The following CYFIP2 variants were observed in gnomAD, a reference collection of about 807,000 sequenced individuals.
CYFIP2 encodes the protein cytoplasmic FMR1 interacting protein 2, also known as cytoplasmic FMR1-interacting protein 2.
CYFIP2 carries 29 observed loss-of-function variants against 158.7 expected under a neutral mutation model. The ratio of observed to expected loss-of-function variants is 0.18; its 90% CI spans 0.14 to 0.25. The LOEUF is 0.25. Among genes scored for constraint, CYFIP2 ranks in the 10% least tolerant of loss-of-function variants. The pLI is 1.00. For synonymous variants in CYFIP2, 585 were observed against 617.6 expected (o/e 0.95, Z 0.78); for missense variants, 852 against 1,639.5 (o/e 0.52, Z 8.29).
chr5:157,350,665 G>A (rs1433218893), intron 23 of CYFIP2, among the ~76,000 whole-genome samples: 1 of 152,178 alleles, frequency 6.6e-6, no homozygotes, highest in Non-Finnish European at 1.5e-5. Flanking sequence ...TGTGAAGAAT[G>A]ATGATGGTAC....
intron 23 of CYFIP2, among the ~76,000 whole-genome samples, chr5:157,355,753 A>G (rs1763367824): frequency 6.6e-6 from 1 of 152,208 alleles, no homozygotes; most frequent in South Asian, 2.1e-4. Context: ...GGGACAAACG[A>G]GAATGTGCTG....
At position 157,290,499 on chromosome 5, in the gene CYFIP2, A is replaced by G. The variant is rs141178515; in HGVS notation, c.207+3391A>G. ...ACTGGGCTCCCCAGGATAATCCAGA[A>G]CAACCACCACCACCCGCCTACCCCC... On this transcript the variant is annotated intron_variant, in intron 3 of 30. Coordinates refer to ENST00000620254, the MANE Select transcript of CYFIP2 (RefSeq NM_001037333.3). Among the ~76,000 whole-genome samples the G allele has an allele frequency of 3.8e-3, 573 of 152,304 alleles. 1 individual carries two copies. The highest frequency in any genetic ancestry group is 0.014 in the Middle Eastern group (4 of 294).
intron 1 of CYFIP2, chr5:157,269,620 C>G (rs554599611): frequency 6.6e-6 from 1 of 152,136 alleles, no homozygotes; most frequent in Non-Finnish European, 1.5e-5. Context: ...AAAAAAAAGC[C>G]GTGGAAATAG....
rs758449124 is a variant in CYFIP2, at chr5:157,304,318, C to T, written c.747C>T (p.Tyr249=). ...TTGTCAACATCTGTGTGGATTACTACGAGAACAAGATGTACCTGACTCCCA... is the reference window on the plus strand; with the variant it reads ...TTGTCAACATCTGTGTGGATTACTATGAGAACAAGATGTACCTGACTCCCA... ...ADIVNICVDY[Y]ENKMYLTPSE... The change falls in exon 8 of 31, where the codon TAC becomes TAT. Residue 249 remains tyrosine (Y), a synonymous_variant. Coordinates refer to ENST00000620254, the MANE Select transcript of CYFIP2 (RefSeq NM_001037333.3). The T allele has an allele frequency of 1.1e-5, 17 of 1,613,834 alleles. No individual in the cohort carries two copies. Among genetic ancestry groups the T allele is most frequent in the Middle Eastern group, 1.7e-4 (1 of 6,058 alleles).
At position 157,326,165 on chromosome 5, in the gene CYFIP2, C is replaced by A. The variant is rs1205929605; in HGVS notation, c.1983-6C>A. On this transcript the variant is annotated splice_polypyrimidine_tract_variant and splice_region_variant and intron_variant, in intron 17 of 30. Coordinates refer to ENST00000620254, the MANE Select transcript of CYFIP2 (RefSeq NM_001037333.3). ...CAAGCGGCTGGCTGTGTTTTTCCCT[C>A]TTCAGGTATGTCCTCTACCCTCTGG... 1 of 1,611,380 alleles carries A rather than the reference C, an allele frequency of 6.2e-7. No individual in the cohort carries two copies. Among genetic ancestry groups the A allele is most frequent in the Non-Finnish European group, 8.5e-7 (1 of 1,177,786 alleles).
At chr5:157,320,941 T>C (rs916334839) in intron 15 of CYFIP2, 139 bp downstream of exon 15, 1 of 1,079,888 alleles carries the variant, frequency 9.3e-7, no homozygotes, top group African/African-American at 1.6e-5. Flanking sequence ...GCTCCGGTCT[T>C]ATTCTGCCAT....
At chr5:157,317,500 C>T (rs1760246328) in intron 13 of CYFIP2, among the ~76,000 whole-genome samples, 3 of 152,108 alleles carry the variant, frequency 2.0e-5, no homozygotes, top group African/African-American at 7.2e-5. Context: ...TATTGATTTT[C>T]TACTTTGGGA....
chr5:157,281,801 T>G (rs900328125), intron 1 of CYFIP2, among the ~76,000 whole-genome samples: 1 of 152,246 alleles, frequency 6.6e-6, no homozygotes, highest in African/African-American at 2.4e-5. Context: ...AGCCCCTATC[T>G]CTTAACTGTT....
intron 23 of CYFIP2, among the ~76,000 whole-genome samples, chr5:157,344,048 C>G (rs900585896): frequency 6.6e-6 from 1 of 152,108 alleles, no homozygotes; most frequent in Non-Finnish European, 1.5e-5. Context: ...CTTTTTTTAG[C>G]CTCCTGGTTC....
intron 1 of CYFIP2, among the ~76,000 whole-genome samples, chr5:157,282,672 GCCAGATTT>G (rs1387758926): frequency 3.9e-5 from 6 of 152,312 alleles, no homozygotes; most frequent in African/African-American, 1.4e-4. Flanking sequence ...GTTAGATATT[GCCAGATTT>G]CCTCCTACGG....
Position 157,383,501 on chromosome 5 carries a change from T to G in CYFIP2, c.3207+142T>G, listed in dbSNP as rs941986500. On this transcript the variant is annotated intron_variant, in intron 28 of 30. Coordinates refer to ENST00000620254, the MANE Select transcript of CYFIP2 (RefSeq NM_001037333.3). Reference sequence around the variant, plus strand: ...TCCAATACCCAAAAACTGGTTAATATTAATAGCAACAGCAGGTCTGGAATG... The same window carrying G: ...TCCAATACCCAAAAACTGGTTAATAGTAATAGCAACAGCAGGTCTGGAATG... 5.9e-6 allele frequency: 4 copies of G among 681,686 alleles called. No individual in the cohort carries two copies. In the South Asian group the frequency reaches 7.5e-5, roughly 13 times the overall value. The allele number at this position is 681,686 out of a possible 1,614,324, so 42.2% of individuals were successfully genotyped here.
At chr5:157,360,849 C>T (rs920221397) in intron 25 of CYFIP2, among the ~76,000 whole-genome samples, 1 of 152,080 alleles carries the variant, frequency 6.6e-6, no homozygotes, top group African/African-American at 2.4e-5. Flanking sequence ...GAAAACAGGG[C>T]CTGGAGAAGA....
intron 26 of CYFIP2, among the ~76,000 whole-genome samples, chr5:157,373,000 C>T (rs990373804): frequency 5.3e-5 from 8 of 152,202 alleles, no homozygotes; most frequent in Non-Finnish European, 7.3e-5. Context: ...TGCCTTTCCA[C>T]GCTTGAGCCG....
At chr5:157,297,134 G>A (rs750890178) in intron 5 of CYFIP2, among the ~76,000 whole-genome samples, 2 of 152,252 alleles carry the variant, frequency 1.3e-5, no homozygotes, top group Non-Finnish European at 2.9e-5. Context: ...GGCGGCATTT[G>A]AGCTGAGACT....
intron 26 of CYFIP2, among the ~76,000 whole-genome samples, chr5:157,373,854 A>G (rs1765219112): frequency 6.6e-6 from 1 of 152,194 alleles, no homozygotes; most frequent in Admixed American, 6.5e-5. Context: ...CTCCTTTAAA[A>G]AATTTATCTG....
Position 157,300,899 on chromosome 5 carries a change from C to A in CYFIP2, c.569+3C>A. On this transcript the variant is annotated splice_donor_region_variant and intron_variant, in intron 6 of 30. Transcript: ENST00000620254. ...AATGACCACTCTGCCTACAAGAGGT[C>A]AGGGCAACCTCCCCCTCTCCCCTTT... The A allele has an allele frequency of 6.4e-7, 1 of 1,558,094 alleles. No homozygotes were observed. The highest frequency in any genetic ancestry group is 1.2e-5 in the South Asian group (1 of 84,082).
chr5:157,345,365 C>G (rs1043667443), intron 23 of CYFIP2: 1 of 152,628 alleles, frequency 6.6e-6, no homozygotes, highest in Non-Finnish European at 1.5e-5. Context: ...TGTCAAGACG[C>G]AAATAGCATC....
intron 27 of CYFIP2, among the ~76,000 whole-genome samples, chr5:157,382,924 T>C (rs1766273846): frequency 6.6e-6 from 1 of 152,154 alleles, no homozygotes; most frequent in Non-Finnish European, 1.5e-5. Context: ...AAATTCCTTA[T>C]AAGATTATAG....
At chr5:157,273,341 C>T (rs1756262887) in intron 1 of CYFIP2, among the ~76,000 whole-genome samples, 1 of 152,164 alleles carries the variant, frequency 6.6e-6, no homozygotes, top group African/African-American at 2.4e-5. Context: ...GAGCTAGGCT[C>T]CCTTCTTGTT....
Sources: allele counts gnomAD v4.1 joint callset (sites outside exome capture counted in the v4.1 genomes callset), GRCh38; gene constraint gnomAD v4.1.1; transcripts MANE v1.5; gene names NCBI Gene and HGNC (gene_info 2026-07-23, HGNC 2026-07-21).